HS1BP3: variants seen among roughly 807,000 people sequenced by gnomAD.
HS1BP3 encodes the protein HCLS1-binding protein 3.
A neutral mutation model predicts 33.5 loss-of-function variants in HS1BP3; 32 were observed. The observed-to-expected ratio is 0.95, with a 90% CI of 0.72 to 1.28. The LOEUF is 1.28. Ranked by LOEUF, HS1BP3 falls within the 50% of genes most tolerant of loss-of-function variation. The pLI, the probability that HS1BP3 is intolerant of heterozygous loss-of-function variation, is 0.00. For synonymous variants in HS1BP3, 187 were observed against 209.2 expected (o/e 0.89, Z 0.92); for missense variants, 486 against 502.3 (o/e 0.97, Z 0.31).
Position 20,611,763 on chromosome 2 carries a change from T to G in HS1BP3, c.178+12133A>C, listed in dbSNP as rs1055636631. Among the ~76,000 whole-genome samples, 4 of 152,120 alleles carry G rather than the reference T, an allele frequency of 2.6e-5. No individual in the cohort carries two copies. The highest frequency in any genetic ancestry group is 7.2e-5 in the African/African-American group (3 of 41,424). ...TCTCCAGTGGTTTTGTATGTGCCCATTCCCATGCCCCCCACCCCACGGTGA... is the reference window on the plus strand; with the variant it reads ...TCTCCAGTGGTTTTGTATGTGCCCAGTCCCATGCCCCCCACCCCACGGTGA... On this transcript the variant is annotated intron_variant, in intron 2 of 3. Transcript: ENST00000415264. The surrounding 1 kb of genome is among the most constrained non-coding windows in gnomAD (Gnocchi z 4.9).
downstream of HS1BP3, chr2:20,590,726 CCTGGGCACCTGAG>C (rs1049192182): frequency 3.9e-5 from 6 of 153,518 alleles, no homozygotes; most frequent in African/African-American, 1.4e-4. Flanking sequence ...TTATCAAACA[CCTGGGCACCTGAG>C]CTAGGCTAGA....
chr2:20,584,144 T>C (rs1036814459), intron 5 of HS1BP3, among the ~76,000 whole-genome samples: 1 of 152,226 alleles, frequency 6.6e-6, no homozygotes, highest in Non-Finnish European at 1.5e-5. Context: ...AGAGACTCCC[T>C]GTAGGCTGGG....
At chr2:20,592,138 C>T (rs529358977), downstream of HS1BP3, among the ~76,000 whole-genome samples, 12 of 218 alleles carry the variant, frequency 0.055, no homozygotes, top group Admixed American at 0.33. Flanking sequence ...CTCTCACATA[C>T]GTGCCCTGCT....
chr2:20,556,929 T>G (rs1002548483), downstream of HS1BP3, among the ~76,000 whole-genome samples: 38 of 152,210 alleles, frequency 2.5e-4, no homozygotes, highest in African/African-American at 8.2e-4. Context: ...CTGGTTCCTG[T>G]GCAGCCCGCA....
chr2:20,631,338 A>C (rs1694960401), intron 4 of HS1BP3, among the ~76,000 whole-genome samples: 1 of 151,672 alleles, frequency 6.6e-6, no homozygotes, highest in Non-Finnish European at 1.5e-5. Flanking sequence ...ACATAGTGAA[A>C]CCTCATCTCT....
At chr2:20,554,595 T>A in the HS1BP3 span, among the ~76,000 whole-genome samples, 9 of 151,648 alleles carry the variant, frequency 5.9e-5, no homozygotes, top group South Asian at 1.0e-3. Context: ...TGGTGGTGGG[T>A]ACCTGTAATC....
At chr2:20,602,682 A>G (rs1694095401) in intron 2 of HS1BP3, among the ~76,000 whole-genome samples, 1 of 152,234 alleles carries the variant, frequency 6.6e-6, no homozygotes, top group East Asian at 1.9e-4. Flanking sequence ...AAAACTGGAA[A>G]GTCGATGACA....
rs58322186 is a variant in HS1BP3, at chr2:20,575,767, C to T, written c.303-15252G>A. Among the ~76,000 whole-genome samples, 264 of 150,406 alleles carry T rather than the reference C, an allele frequency of 1.8e-3. 1 individual carries two copies. The highest frequency in any genetic ancestry group is 0.01 in the Middle Eastern group (3 of 292). ...CTCTGTCTCCTTGGTTCCACCCCCC[C>T]CCCCCCCTTCAGGCTACCCCAGCAA... On this transcript the variant is annotated intron_variant, in intron 5 of 5. Transcript: ENST00000446825.
At chr2:20,579,220 G>A (rs1310540359) in intron 5 of HS1BP3, among the ~76,000 whole-genome samples, 1 of 152,370 alleles carries the variant, frequency 6.6e-6, no homozygotes, top group Non-Finnish European at 1.5e-5. Context: ...ATGAGCACAG[G>A]AGCCTTTTCC....
At chr2:20,649,655 GGGA>G (rs1259481112) in intron 1 of HS1BP3, among the ~76,000 whole-genome samples, 1 of 152,238 alleles carries the variant, frequency 6.6e-6, no homozygotes, top group Non-Finnish European at 1.5e-5. Context: ...AATGACATGT[GGGA>G]GGAGATCGGG....
At chr2:20,648,488 C>G (rs962980024) in intron 1 of HS1BP3, among the ~76,000 whole-genome samples, 4 of 152,230 alleles carry the variant, frequency 2.6e-5, no homozygotes, top group Non-Finnish European at 5.9e-5. Flanking sequence ...CTCCTTCAAG[C>G]TCTGCCTTCA....
chr2:20,619,849 G>A (rs956605311), intron 6 of HS1BP3, among the ~76,000 whole-genome samples: 3 of 152,216 alleles, frequency 2.0e-5, no homozygotes, highest in Admixed American at 6.5e-5. Context: ...CAGGGGCGCT[G>A]AGCCATGGTG....
At chr2:20,607,522 G>A (rs1484427302) in intron 2 of HS1BP3, among the ~76,000 whole-genome samples, 1 of 152,162 alleles carries the variant, frequency 6.6e-6, no homozygotes, top group Non-Finnish European at 1.5e-5. Context: ...TATTCTGCAT[G>A]GAATGGTCTT....
At chr2:20,624,144 A>G (rs1388683133) in intron 5 of HS1BP3, 113 bp from the exon 6 acceptor site, 3 of 1,237,858 alleles carry the variant, frequency 2.4e-6, no homozygotes, top group Non-Finnish European at 3.3e-6. Context: ...ACAGGAATTG[A>G]TGCCTCTGCT....
At chr2:20,598,797 ATCCGCCCGCCTCGGCC>A (rs1316293450) in intron 2 of HS1BP3, among the ~76,000 whole-genome samples, 1 of 151,880 alleles carries the variant, frequency 6.6e-6, no homozygotes, top group Non-Finnish European at 1.5e-5. Context: ...TGACCTCGTG[ATCCGCCCGCCTCGGCC>A]TCCCAAAGTG....
chr2:20,586,857 C>T (rs1028272393), intron 5 of HS1BP3, among the ~76,000 whole-genome samples: 7 of 152,148 alleles, frequency 4.6e-5, no homozygotes, highest in Admixed American at 3.9e-4. Flanking sequence ...CGTTAATAAT[C>T]GTATCAATTA....
intron 1 of HS1BP3, among the ~76,000 whole-genome samples, chr2:20,645,770 G>C (rs1695500658): frequency 6.6e-6 from 1 of 152,242 alleles, no homozygotes; most frequent in Admixed American, 6.5e-5. Context: ...AAACAGGAAA[G>C]GATGGGGCTT....
chr2:20,600,029 G>C (rs1694036350), intron 2 of HS1BP3, among the ~76,000 whole-genome samples: 1 of 152,126 alleles, frequency 6.6e-6, no homozygotes. Context: ...ACCCCTGGGG[G>C]CTCTTTGGCC....
downstream of HS1BP3, among the ~76,000 whole-genome samples, chr2:20,558,677 C>T (rs1276491502): frequency 1.3e-5 from 2 of 152,182 alleles, no homozygotes; most frequent in Non-Finnish European, 2.9e-5. Flanking sequence ...CAGGGCCCAG[C>T]GGCACAGGGG....
Sources: allele counts gnomAD v4.1 joint callset (sites outside exome capture counted in the v4.1 genomes callset), GRCh38; gene constraint gnomAD v4.1.1; non-coding constraint Gnocchi (gnomAD v3.1); transcripts MANE v1.5; gene names NCBI Gene and HGNC (gene_info 2026-07-23, HGNC 2026-07-21).